The following PPP2R3B variants were observed in gnomAD, a reference collection of about 807,000 sequenced individuals.
PPP2R3B encodes protein phosphatase 2 regulatory subunit B''beta.
PPP2R3B carries 68 observed loss-of-function variants against 72.9 expected under a neutral mutation model. That is an observed-to-expected ratio of 0.93 (90% CI 0.77 to 1.14). The LOEUF (loss-of-function observed/expected upper bound fraction) is 1.14. Ranked by LOEUF, PPP2R3B falls within the 50% of genes most tolerant of loss-of-function variation. PPP2R3B has a pLI of 0.00. For missense variants in PPP2R3B, 1,018 were observed against 842.0 expected (o/e 1.21, Z -2.59); for synonymous variants, 466 against 375.8 (o/e 1.24, Z -2.78).
intron 1 of PPP2R3B, among the ~76,000 whole-genome samples, chrX:364,684 C>T (rs1273211514): frequency 3.3e-5 from 3 of 89,682 alleles, no homozygotes; most frequent in Admixed American, 2.3e-4. Flanking sequence ...CACCACTGCA[C>T]TCCAGCCTGG....
chrX:359,933 T>C, intron 2 of PPP2R3B: 1 of 431,660 alleles, frequency 2.3e-6, no homozygotes, highest in Non-Finnish European at 4.5e-6. Context: ...CCATGGAGGT[T>C]TTTACATATT....
chrX:347,713 A>G lies in PPP2R3B; in HGVS notation c.511-20T>C, dbSNP rs1489569462. On this transcript the variant is annotated intron_variant, in intron 2 of 12. Transcript: ENST00000390665. ...GCAGGCCTGGGGCAGAGAGGGCAGG[A>G]GTGGGCAGTCAGCAGGGCCTGGACG... 6.6e-7 allele frequency: 1 copy of G among 1,506,570 alleles called. No individual in the cohort carries two copies. The highest frequency in any genetic ancestry group is 8.9e-7 in the Non-Finnish European group (1 of 1,128,946). 93.3% of individuals were successfully genotyped at this position (1,506,570 alleles called of 1,614,324 possible).
Position 345,288 on chromosome X carries a change from G to A in PPP2R3B, c.1036+228C>T, listed in dbSNP as rs935165623. ...AGCGGCCCACACTGACCCTGTAGAC[G>A]CCCCCAGGCAGAGGCCTCGGGCAGA... On this transcript the variant is annotated intron_variant, in intron 7 of 12. Transcript: ENST00000390665. 2.4e-5 allele frequency: 17 copies of A among 712,644 alleles called. No homozygotes were observed. In the African/African-American group the frequency reaches 2.8e-4, roughly 12 times the overall value. The allele number at this position is 712,644 out of a possible 1,614,324, so 44.1% of individuals were successfully genotyped here. A position where few individuals can be genotyped will look rare whatever the true frequency, so the allele number is the denominator to read the frequency against.
Position 386,527 on chromosome X carries a change from G to A in PPP2R3B, c.165C>T (p.Pro55=). 7.0e-7 allele frequency: 1 copy of A among 1,425,524 alleles called. No individual in the cohort carries two copies. The highest frequency in any genetic ancestry group is 3.2e-5 in the East Asian group (1 of 31,736). 88.3% of individuals were successfully genotyped at this position (1,425,524 alleles called of 1,614,324 possible). Residue 55 remains proline (P), a synonymous_variant, in exon 1 of 13, where the codon CCC becomes CCT. Transcript: ENST00000390665. ...DQPTPGDGEQ[P]GAWPTAPLAA... ...CGAGCGGGGCTGTGGGCCAGGCCCC[G>A]GGCTGCTCCCCGTCCCCCGGGGTCG...
At chrX:345,203 C>T (rs773768648) in intron 7 of PPP2R3B, 11 of 614,650 alleles carry the variant, frequency 1.8e-5, no homozygotes, top group Admixed American at 2.1e-5. Context: ...CGCCCTTGCT[C>T]GGGTGTTAAC....
chrX:356,305 TC>T (rs1420597774), intron 2 of PPP2R3B, among the ~76,000 whole-genome samples: 4 of 152,166 alleles, frequency 2.6e-5, no homozygotes, highest in Non-Finnish European at 5.9e-5. Context: ...AACCTCCACC[TC>T]CCAGGTTCAA....
chrX:376,771 G>A (rs1267016396), intron 1 of PPP2R3B, among the ~76,000 whole-genome samples: 1 of 109,914 alleles, frequency 9.1e-6, no homozygotes, highest in Non-Finnish European at 2.0e-5. Flanking sequence ...GTACAGGGAC[G>A]GGCCGTCCAC....
At chrX:356,291 C>A (rs1201166358) in intron 2 of PPP2R3B, among the ~76,000 whole-genome samples, 1 of 152,220 alleles carries the variant, frequency 6.6e-6, no homozygotes, top group African/African-American at 2.4e-5. Context: ...TCTTGGCTCA[C>A]TGCAACCTCC....
chrX:340,893 A>T lies in PPP2R3B; in HGVS notation c.1223T>A (p.Leu408Gln). ...RCMDLDGDGA[L>Q]SMFELEYFYE... ...GAAGTACTCGAGCTCGAACATGGAC[A>T]GGGCGCCGTCCCCGTCCAGGTCCAT... The change falls in exon 10 of 13, where the codon CTG (leucine) becomes CAG (glutamine). Residue 408 changes from leucine (L) to glutamine (Q), a missense_variant. Physicochemically the swap from Leu to Gln is moderately radical, Grantham distance 113. Transcript: ENST00000390665. 1 of 1,611,928 alleles carries T rather than the reference A, an allele frequency of 6.2e-7. No individual in the cohort carries two copies. The highest frequency in any genetic ancestry group is 8.5e-7 in the Non-Finnish European group (1 of 1,179,670).
At chrX:358,664 A>C (rs2071481566) in intron 2 of PPP2R3B, among the ~76,000 whole-genome samples, 1 of 142,022 alleles carries the variant, frequency 7.0e-6, no homozygotes, top group South Asian at 2.2e-4. Context: ...TCACTACCTT[A>C]GACGGCCACC....
intron 1 of PPP2R3B, among the ~76,000 whole-genome samples, chrX:367,229 G>C (rs1445085235): frequency 6.6e-6 from 1 of 151,834 alleles, no homozygotes; most frequent in African/African-American, 2.4e-5. Flanking sequence ...CTCGGCAGCT[G>C]ACCACATAAA....
Position 334,494 on chromosome X carries a change from A to G in PPP2R3B, c.1601T>C (p.Val534Ala), listed in dbSNP as rs776007714. 1.3e-6 allele frequency: 2 copies of G among 1,576,872 alleles called. No homozygotes were observed. The highest frequency in any genetic ancestry group is 1.7e-6 in the Non-Finnish European group (2 of 1,168,318). ...GCGCAGCGCACTCAGCTTCTGCTCC[A>G]CAGGGCTGAGCTCGGCCTCGAACCT... Reference protein sequence around the residue: ...EDGFEAELSPVEQKLSALRSP... With the variant: ...EDGFEAELSPAEQKLSALRSP... Residue 534 changes from valine to alanine, a missense_variant, in exon 13 of 13, where the codon GTG becomes GCG. Coordinates refer to ENST00000390665, the MANE Select transcript of PPP2R3B (RefSeq NM_013239.5).
At chrX:363,155 A>G (rs750558584) in intron 1 of PPP2R3B, among the ~76,000 whole-genome samples, 7 of 138,054 alleles carry the variant, frequency 5.1e-5, no homozygotes, top group Non-Finnish European at 6.4e-5. Context: ...CTAAGGGCAC[A>G]CCCCTTCCCT....
In PPP2R3B at chrX:363,996, A is replaced by C. The variant is rs2071625060; in HGVS notation, c.325-2406T>G. Among the ~76,000 whole-genome samples, 4 of 152,366 alleles carry C rather than the reference A, an allele frequency of 2.6e-5. No homozygotes were observed. The South Asian group carries it at 8.3e-4, about 32-fold the overall frequency. On this transcript the variant is annotated intron_variant, in intron 1 of 12. Coordinates refer to ENST00000390665, the MANE Select transcript of PPP2R3B (RefSeq NM_013239.5). ...TTCTAGACGGCGCCCACAGGCTGGC[A>C]GGAAAGGAGGACACCTCAGGCCACA... is the stretch of plus-strand genomic sequence containing the variant.
chrX:361,398 C>T lies in PPP2R3B; in HGVS notation c.510+7G>A. On this transcript the variant is annotated splice_region_variant and intron_variant, in intron 2 of 12. Coordinates refer to ENST00000390665, the MANE Select transcript of PPP2R3B (RefSeq NM_013239.5). ...CGGCTGCTCCACGTCCCACGCGTGA[C>T]ACGTACCTTGGCCACCAGGCCCATG... is the stretch of plus-strand genomic sequence containing the variant. 1 of 1,613,906 alleles carries T rather than the reference C, an allele frequency of 6.2e-7. No individual in the cohort carries two copies. Among genetic ancestry groups the T allele is most frequent in the Non-Finnish European group, 8.5e-7 (1 of 1,179,792 alleles).
chrX:377,594 C>G (rs1177702111), intron 1 of PPP2R3B, among the ~76,000 whole-genome samples: 1 of 130,696 alleles, frequency 7.7e-6, no homozygotes, highest in Admixed American at 7.4e-5. Flanking sequence ...CTACTGTGTA[C>G]AGGGACGGGC....
chrX:353,405 G>A lies in PPP2R3B; in HGVS notation c.511-5712C>T, dbSNP rs767775268. ...AAAAAGAGAAAAGATGATACAGACA[G>A]CCTGTGTTTATTGAAACAATTCATG... On this transcript the variant is annotated intron_variant, in intron 2 of 12. Transcript: ENST00000390665. Among the ~76,000 whole-genome samples, 140 of 152,026 alleles carry A rather than the reference G, an allele frequency of 9.2e-4. 1 individual carries two copies. The highest frequency in any genetic ancestry group is 3.3e-3 in the African/African-American group (137 of 41,450).
At chrX:373,177 G>T (rs1454359005) in intron 1 of PPP2R3B, among the ~76,000 whole-genome samples, 1 of 152,150 alleles carries the variant, frequency 6.6e-6, no homozygotes, top group Non-Finnish European at 1.5e-5. Flanking sequence ...TGTCTGCAGC[G>T]AACACTCCCA....
Position 386,469 on chromosome X carries a change from CCGGGGGTTCG to C in PPP2R3B, c.213_222del (p.Thr76ArgfsTer30). Reference sequence around the variant, plus strand: ...AGCGCAGGGCCCGGCCCGGGGGTTCCCGGGGGTTCGAGCCCGCTGGGCCGGGGGGCGGCGA... The same window carrying C: ...AGCGCAGGGCCCGGCCCGGGGGTTCCAGCCCGCTGGGCCGGGGGGCGGCGA... On this transcript the variant is annotated frameshift_variant, in exon 1 of 13. Coordinates refer to ENST00000390665, the MANE Select transcript of PPP2R3B (RefSeq NM_013239.5). LOFTEE classifies it high-confidence loss of function. 7.7e-7 allele frequency: 1 copy of C among 1,291,830 alleles called. No individual in the cohort carries two copies. The highest frequency in any genetic ancestry group is 9.8e-7 in the Non-Finnish European group (1 of 1,017,574). The allele number at this position is 1,291,830 out of a possible 1,614,324, so 80.0% of individuals were successfully genotyped here.
Sources: allele counts gnomAD v4.1 joint callset (sites outside exome capture counted in the v4.1 genomes callset), GRCh38; gene constraint gnomAD v4.1.1; transcripts MANE v1.5; gene names NCBI Gene and HGNC (gene_info 2026-07-23, HGNC 2026-07-21).